Variants in ELFN1 observed in about 807,000 individuals in gnomAD.
ELFN1 encodes the protein protein ELFN1.
Under a neutral mutation model 7.6 loss-of-function variants are expected in ELFN1, and 6 were observed. The observed-to-expected ratio is 0.79, with a 90% confidence interval of 0.43 to 1.56. The LOEUF is 1.56. Among genes scored for constraint, ELFN1 ranks in the 40% most tolerant of loss-of-function variants. ELFN1 has a pLI of 0.01. For missense variants in ELFN1, 1,169 were observed against 1,232.2 expected, an observed-to-expected ratio of 0.95 and a Z score of 0.77; for synonymous variants, 657 against 588.1, an observed-to-expected ratio of 1.12 and a Z score of -1.70.
rs184668878 is a variant in ELFN1 at position 1,743,628 on chromosome 7, C to T, written c.-293-676C>T. On this transcript the variant is annotated intron_variant, in intron 3 of 3. Coordinates refer to ENST00000424383, the MANE Select transcript of ELFN1 (RefSeq NM_001128636.4). ...AGACCGAGACCTGGCAGACACGAGTCCCCGGACAGGCCAGAATACCTCCCG... is the reference window on the plus strand; with the variant it reads ...AGACCGAGACCTGGCAGACACGAGTTCCCGGACAGGCCAGAATACCTCCCG... Among the ~76,000 whole-genome samples, 503 of 152,288 alleles carry T rather than the reference C, an allele frequency of 3.3e-3. 2 individuals are homozygous for T. The highest frequency in any genetic ancestry group is 5.5e-3 in the Non-Finnish European group (376 of 68,012).
chr7:1,687,486 C>A (rs1396852244), intron 1 of ELFN1, among the ~76,000 whole-genome samples: 1 of 152,124 alleles, frequency 6.6e-6, no homozygotes, highest in Non-Finnish European at 1.5e-5. Flanking sequence ...CCCACCCCAT[C>A]TCCTCCTGAT....
At position 1,727,990 on chromosome 7, in the gene ELFN1, G is replaced by A. The variant is rs1013521212; in HGVS notation, c.-293-16314G>A. On this transcript the variant is annotated intron_variant, in intron 3 of 3. Coordinates refer to ENST00000424383, the MANE Select transcript of ELFN1 (RefSeq NM_001128636.4). The stretch of plus-strand genomic sequence containing the variant: ...CTCTCCACCCTGTGTGCAGGGGAGC[G>A]GTTTGAGAGAGGCCGAGAGGTCCAA... Among the ~76,000 whole-genome samples the A allele has an allele frequency of 5.9e-5, 9 of 152,158 alleles. No homozygotes were observed. The East Asian group carries it at 7.7e-4, about 13-fold the overall frequency.
chr7:1,704,515 C>T (rs1007067584), intron 2 of ELFN1, among the ~76,000 whole-genome samples: 1 of 152,192 alleles, frequency 6.6e-6, no homozygotes, highest in Admixed American at 6.5e-5. Flanking sequence ...CATGGTGATA[C>T]ACACAAAGCC....
intron 3 of ELFN1, among the ~76,000 whole-genome samples, chr7:1,725,501 G>A (rs1215717386): frequency 6.6e-6 from 1 of 152,132 alleles, no homozygotes; most frequent in Non-Finnish European, 1.5e-5. Flanking sequence ...TGGGGTGGGA[G>A]CAGAACACAG....
chr7:1,667,965 T>TGTG (rs1778696864), upstream of ELFN1, among the ~76,000 whole-genome samples: 1 of 44,814 alleles, frequency 2.2e-5, no homozygotes, highest in Non-Finnish European at 4.6e-5. This position sits in a 1 kb window ranked among gnomAD's most constrained non-coding sequence, Gnocchi z 8.2. Flanking sequence ...CCGCTCGGGG[T>TGTG]GGGGGGGGGG....
intron 2 of ELFN1, chr7:1,693,363 A>C (rs1341149870): frequency 2.1e-6 from 1 of 469,640 alleles, no homozygotes; most frequent in African/African-American, 2.0e-5. Flanking sequence ...TGGACTGCCC[A>C]GTGTGCCTGG....
chr7:1,744,243 G>A lies in ELFN1; in HGVS notation c.-293-61G>A, dbSNP rs1025592937. On this transcript the variant is annotated intron_variant, in intron 3 of 3. Transcript: ENST00000424383. ...ATGCCGCCGCTGTGAGATGCCGGCCGTCCCCTGACCGCTGTCTTCTCTCTT... is the reference window on the plus strand; with the variant it reads ...ATGCCGCCGCTGTGAGATGCCGGCCATCCCCTGACCGCTGTCTTCTCTCTT... The A allele has an allele frequency of 1.8e-4, 20 of 112,594 alleles. No homozygotes were observed. The East Asian group carries it at 4.1e-3, about 23-fold the overall frequency. The allele number at this position is 112,594 out of a possible 1,614,324, so 7.0% of individuals were successfully genotyped here. A position where few individuals can be genotyped will look rare whatever the true frequency, so the allele number is the denominator to read the frequency against.
At chr7:1,676,713 G>A (rs1778877571) in intron 1 of ELFN1, among the ~76,000 whole-genome samples, 1 of 152,210 alleles carries the variant, frequency 6.6e-6, no homozygotes, top group Non-Finnish European at 1.5e-5. Context: ...AGGTGTAATG[G>A]CCCCGCAGCC....
At chr7:1,709,657 T>C (rs1348449079) in intron 3 of ELFN1, among the ~76,000 whole-genome samples, 1 of 152,274 alleles carries the variant, frequency 6.6e-6, no homozygotes, top group Non-Finnish European at 1.5e-5. Context: ...AAAACCACTA[T>C]GTGAATAACA....
rs184878885 is a variant in ELFN1, at chr7:1,705,227, G to T, written c.-455-3864G>T. On this transcript the variant is annotated intron_variant, in intron 2 of 3. Coordinates refer to ENST00000424383, the MANE Select transcript of ELFN1 (RefSeq NM_001128636.4). This position sits in a 1 kb window ranked among gnomAD's most constrained non-coding sequence, Gnocchi z 4.3. ...ACCCTGGGCGGGGCGGCACAGCTGT[G>T]CGGGAGGCTGGGCTGCTGGCATCAG... Among the ~76,000 whole-genome samples, 2 of 152,270 alleles carry T rather than the reference G, an allele frequency of 1.3e-5. No individual in the cohort carries two copies. The highest frequency in any genetic ancestry group is 6.5e-5 in the Admixed American group (1 of 15,310).
In ELFN1 at chr7:1,735,205, G is replaced by A. The variant is rs188269517; in HGVS notation, c.-293-9099G>A. On this transcript the variant is annotated intron_variant, in intron 3 of 3. Transcript: ENST00000424383. This position sits in a 1 kb window ranked among gnomAD's most constrained non-coding sequence, Gnocchi z 5.9. Reference sequence around the variant, plus strand: ...TGCTGCACACCGGCGGACCGTCGAGGAAACAGGAGCTTTTCTCTGTTGCAC... The same window carrying A: ...TGCTGCACACCGGCGGACCGTCGAGAAAACAGGAGCTTTTCTCTGTTGCAC... 6.6e-6 allele frequency among the ~76,000 whole-genome samples: 1 copy of A among 152,322 alleles called. No homozygotes were observed. Among genetic ancestry groups the A allele is most frequent in the Non-Finnish European group, 1.5e-5 (1 of 68,014 alleles).
chr7:1,699,539 G>A (rs1398958823), intron 2 of ELFN1, among the ~76,000 whole-genome samples: 2 of 152,128 alleles, frequency 1.3e-5, no homozygotes, highest in African/African-American at 2.4e-5. Flanking sequence ...TACTCAGGAG[G>A]CTGAGGTGGG....
At chr7:1,719,465 G>A (rs186662738) in intron 3 of ELFN1, among the ~76,000 whole-genome samples, 2 of 152,296 alleles carry the variant, frequency 1.3e-5, no homozygotes, top group Non-Finnish European at 2.9e-5. Flanking sequence ...TCCCGCTTCC[G>A]CAGACAGGGC....
chr7:1,669,387 G>A (rs1030194934), upstream of ELFN1, among the ~76,000 whole-genome samples: 1 of 152,176 alleles, frequency 6.6e-6, no homozygotes, highest in African/African-American at 2.4e-5. Flanking sequence ...CGCGGGGACT[G>A]GAGAGGGTCC....
At chr7:1,718,921 G>C (rs1307672547) in intron 3 of ELFN1, among the ~76,000 whole-genome samples, 1 of 152,152 alleles carries the variant, frequency 6.6e-6, no homozygotes, top group East Asian at 1.9e-4. Context: ...CCTCCGCGGA[G>C]CCACACTCCA....
chr7:1,684,709 T>C (rs898992105), intron 1 of ELFN1, among the ~76,000 whole-genome samples: 5 of 152,316 alleles, frequency 3.3e-5, no homozygotes, highest in African/African-American at 1.2e-4. Context: ...CTAACAATTA[T>C]GGTAAAATAT....
In ELFN1 at chr7:1,746,666, G is replaced by T; in HGVS notation, c.2070G>T (p.Leu690=). 2 of 1,380,928 alleles carry T rather than the reference G, an allele frequency of 1.4e-6. No individual in the cohort carries two copies. Among genetic ancestry groups the T allele is most frequent in the East Asian group, 3.2e-5 (1 of 30,910 alleles). 85.5% of individuals were successfully genotyped at this position (1,380,928 alleles called of 1,614,324 possible). The change falls in exon 4 of 4, where the codon CTG becomes CTT. Residue 690 remains leucine, a synonymous_variant. Transcript: ENST00000424383. ...CTGTGACACCCGCGGCCGCCGTGCT[G>T]CGGGCCGAGGCCGAGAAGGGTCGCC... The part of the protein sequence containing the change: ...ILTVTPAAAV[L]RAEAEKGRQY...
chr7:1,729,176 C>T (rs1375385611), intron 3 of ELFN1, among the ~76,000 whole-genome samples: 2 of 152,214 alleles, frequency 1.3e-5, no homozygotes, highest in African/African-American at 2.4e-5. Flanking sequence ...TTCTTAGAGC[C>T]AGAGCTTGGC....
chr7:1,703,959 C>T (rs1779479637), intron 2 of ELFN1, among the ~76,000 whole-genome samples: 1 of 152,158 alleles, frequency 6.6e-6, no homozygotes, highest in Admixed American at 6.5e-5. Flanking sequence ...CGGGAGGGCT[C>T]AGTACAAATC....
Sources: allele counts gnomAD v4.1 joint callset (sites outside exome capture counted in the v4.1 genomes callset), GRCh38; gene constraint gnomAD v4.1.1; non-coding constraint Gnocchi (gnomAD v3.1); transcripts MANE v1.5; gene names NCBI Gene and HGNC (gene_info 2026-07-23, HGNC 2026-07-21).